Variants in ESRRG observed in about 807,000 individuals in gnomAD.
ESRRG encodes the protein estrogen-related receptor gamma.
ESRRG carries 13 observed loss-of-function variants against 44.0 expected under a neutral mutation model. The observed-to-expected ratio is 0.30, with a 90% CI of 0.19 to 0.47. The LOEUF is 0.47. ESRRG is among the 20% of genes least tolerant of loss of function. ESRRG has a pLI of 1.00. For missense variants in ESRRG, 395 were observed against 580.6 expected, an observed-to-expected ratio of 0.68 and a Z score of 3.29; for synonymous variants, 215 against 214.6, an observed-to-expected ratio of 1.00 and a Z score of -0.02.
intron 1 of ESRRG, among the ~76,000 whole-genome samples, chr1:216,942,389 CT>C (rs1429119018): frequency 1.3e-5 from 2 of 152,102 alleles, no homozygotes; most frequent in Non-Finnish European, 2.9e-5. Context: ...GGGCAGGTGT[CT>C]TTTTGGCAGA....
At chr1:216,915,054 T>C (rs2060970213) in intron 2 of ESRRG, among the ~76,000 whole-genome samples, 1 of 152,162 alleles carries the variant, frequency 6.6e-6, no homozygotes, top group African/African-American at 2.4e-5. Context: ...ATGTACACGA[T>C]TTCCAAATTT....
At chr1:216,698,821 C>T (rs2080809063) in intron 1 of ESRRG, among the ~76,000 whole-genome samples, 2 of 152,086 alleles carry the variant, frequency 1.3e-5, no homozygotes, top group African/African-American at 2.4e-5. Context: ...GGAACCAAAG[C>T]GTCTGTGCCT....
At chr1:216,598,446 A>G (rs2058742251) in intron 3 of ESRRG, among the ~76,000 whole-genome samples, 1 of 152,184 alleles carries the variant, frequency 6.6e-6, no homozygotes, top group Admixed American at 6.5e-5. Context: ...GCTGAAAGAA[A>G]TTGTTCATAT....
At chr1:216,786,671 C>T (rs761675812) in intron 2 of ESRRG, among the ~76,000 whole-genome samples, 7 of 152,060 alleles carry the variant, frequency 4.6e-5, no homozygotes, top group East Asian at 3.9e-4. Context: ...TAACAGAATG[C>T]GGGCTATATT....
intron 2 of ESRRG, among the ~76,000 whole-genome samples, chr1:216,851,402 G>C (rs1337964954): frequency 6.6e-6 from 1 of 152,216 alleles, no homozygotes; most frequent in East Asian, 1.9e-4. Context: ...AAATTCACAA[G>C]TTGAAATCCT....
At chr1:217,130,372 A>G (rs2092948054) in intron 1 of ESRRG, among the ~76,000 whole-genome samples, 1 of 152,126 alleles carries the variant, frequency 6.6e-6, no homozygotes. Flanking sequence ...AGCTCGGACT[A>G]CAGGCATGCA....
intron 2 of ESRRG, among the ~76,000 whole-genome samples, chr1:216,675,268 G>A (rs2151461540): frequency 6.6e-6 from 1 of 152,084 alleles, no homozygotes; most frequent in South Asian, 2.1e-4. Flanking sequence ...GCTGAGGCAA[G>A]AGAATCACTT....
At chr1:216,686,939 G>C (rs933630056) in intron 1 of ESRRG, among the ~76,000 whole-genome samples, 1 of 152,074 alleles carries the variant, frequency 6.6e-6, no homozygotes, top group African/African-American at 2.4e-5. Flanking sequence ...AAGGACTATT[G>C]CACCGAGGAG....
At chr1:216,680,200 T>G (rs2151543355) in intron 1 of ESRRG, among the ~76,000 whole-genome samples, 1 of 152,336 alleles carries the variant, frequency 6.6e-6, no homozygotes, top group East Asian at 1.9e-4. Context: ...ATTTATCAAG[T>G]GCTTATTATG....
intron 1 of ESRRG, among the ~76,000 whole-genome samples, chr1:217,022,953 C>T (rs1437220126): frequency 6.6e-6 from 1 of 152,196 alleles, no homozygotes; most frequent in Admixed American, 6.5e-5. Flanking sequence ...TTAGTGTTGT[C>T]TTCTAAATAA....
chr1:216,577,982 C>A (rs565459886), intron 3 of ESRRG, among the ~76,000 whole-genome samples: 4 of 151,884 alleles, frequency 2.6e-5, no homozygotes, highest in Non-Finnish European at 5.9e-5. Flanking sequence ...AAATGTATTA[C>A]CAGACTGGAG....
At chr1:216,631,280 G>A (rs114118412) in intron 3 of ESRRG, among the ~76,000 whole-genome samples, 1 of 152,186 alleles carries the variant, frequency 6.6e-6, no homozygotes, top group African/African-American at 2.4e-5. Context: ...TATGTATACA[G>A]TCACTTTCTC....
At chr1:217,134,489 C>T (rs2093019500) in intron 1 of ESRRG, among the ~76,000 whole-genome samples, 1 of 152,188 alleles carries the variant, frequency 6.6e-6, no homozygotes, top group African/African-American at 2.4e-5. Flanking sequence ...TTCCTCCCTA[C>T]CCCCGCTCTG....
chr1:216,822,682 A>G (rs1359527937), intron 2 of ESRRG, among the ~76,000 whole-genome samples: 5 of 152,212 alleles, frequency 3.3e-5, no homozygotes, highest in African/African-American at 1.2e-4. Flanking sequence ...ATTTGTTTAT[A>G]TAAATGGGCC....
chr1:216,514,134 G>T (rs1361038657), intron 6 of ESRRG, among the ~76,000 whole-genome samples: 1 of 151,998 alleles, frequency 6.6e-6, no homozygotes, highest in Non-Finnish European at 1.5e-5. Context: ...AACATGAAAA[G>T]AAATATTTAA....
intron 1 of ESRRG, among the ~76,000 whole-genome samples, chr1:216,703,182 G>A (rs1328499228): frequency 6.6e-6 from 1 of 151,812 alleles, no homozygotes; most frequent in Non-Finnish European, 1.5e-5. Flanking sequence ...TGTTCTTGCA[G>A]TTAACCAACA....
At chr1:216,579,062 C>G (rs2062221994) in intron 3 of ESRRG, among the ~76,000 whole-genome samples, 1 of 152,110 alleles carries the variant, frequency 6.6e-6, no homozygotes, top group Non-Finnish European at 1.5e-5. Flanking sequence ...TACAGACACA[C>G]TAAATAAGCA....
intron 1 of ESRRG, among the ~76,000 whole-genome samples, chr1:217,117,809 T>C (rs1007116891): frequency 6.6e-6 from 1 of 152,142 alleles, no homozygotes. Context: ...TTCTCTGGAA[T>C]ATTTTTCGAT....
chr1:216,569,634 C>T (rs767861062), intron 3 of ESRRG, among the ~76,000 whole-genome samples: 3 of 152,038 alleles, frequency 2.0e-5, no homozygotes, highest in African/African-American at 7.2e-5. Context: ...AATATAAGGA[C>T]GACTGCTTGG....
Sources: allele counts gnomAD v4.1 joint callset (sites outside exome capture counted in the v4.1 genomes callset), GRCh38; gene constraint gnomAD v4.1.1; transcripts MANE v1.5; gene names NCBI Gene and HGNC (gene_info 2026-07-23, HGNC 2026-07-21).